Variants in LRRC7 observed in about 807,000 individuals in gnomAD.
LRRC7 encodes leucine-rich repeat-containing protein 7.
A neutral mutation model predicts 175.7 loss-of-function variants in LRRC7; 23 were observed. The ratio of observed to expected loss-of-function variants is 0.13; its 90% CI spans 0.09 to 0.19. The LOEUF (loss-of-function observed/expected upper bound fraction) is 0.19, where lower values mean the gene tolerates loss of function less well. LRRC7 is among the 10% of genes least tolerant of loss of function. The pLI is 1.00. For missense variants in LRRC7, 1,354 were observed against 1,904.7 expected, an observed-to-expected ratio of 0.71 and a Z score of 5.38; for synonymous variants, 685 against 680.9, an observed-to-expected ratio of 1.01 and a Z score of -0.09.
chr1:69,903,346 G>C (rs1198036905), intron 7 of LRRC7, among the ~76,000 whole-genome samples: 4 of 152,170 alleles, frequency 2.6e-5, no homozygotes, highest in African/African-American at 7.2e-5. Context: ...GCAGGGTGGG[G>C]CATCGCCTCA....
At chr1:70,111,877 A>T (rs1665550422) in intron 26 of LRRC7, among the ~76,000 whole-genome samples, 1 of 152,198 alleles carries the variant, frequency 6.6e-6, no homozygotes, top group South Asian at 2.1e-4. Context: ...TAATTTATAG[A>T]GATTTAGTTG....
chr1:70,069,250 G>A (rs559687491), intron 23 of LRRC7, among the ~76,000 whole-genome samples: 6 of 152,210 alleles, frequency 3.9e-5, no homozygotes, highest in Admixed American at 1.3e-4. Flanking sequence ...CAATCATGGC[G>A]GAAGGCAAAG....
At chr1:69,711,323 C>T (rs10489556) in intron 2 of LRRC7, among the ~76,000 whole-genome samples, 11,816 of 152,216 alleles carry the variant, frequency 0.078, 549 homozygotes, top group East Asian at 0.14. Context: ...AGTGCCTGTA[C>T]TTCAACAGCT....
intron 2 of LRRC7, among the ~76,000 whole-genome samples, chr1:69,748,110 C>A (rs1669450936): frequency 6.6e-6 from 1 of 152,058 alleles, no homozygotes; most frequent in South Asian, 2.1e-4. Context: ...CACAACAAAA[C>A]CCTGGTTATT....
At chr1:69,706,422 T>C (rs1033070104) in intron 2 of LRRC7, among the ~76,000 whole-genome samples, 3 of 152,138 alleles carry the variant, frequency 2.0e-5, no homozygotes, top group African/African-American at 7.2e-5. Context: ...GCTCTAGAAA[T>C]TATATTCTCA....
At chr1:70,001,898 A>G (rs1395636612) in intron 11 of LRRC7, among the ~76,000 whole-genome samples, 1 of 152,122 alleles carries the variant, frequency 6.6e-6, no homozygotes, top group African/African-American at 2.4e-5. Context: ...CCTCATTAGC[A>G]TTATTTGATA....
At chr1:69,876,746 A>G (rs1405882096) in intron 7 of LRRC7, among the ~76,000 whole-genome samples, 2 of 152,160 alleles carry the variant, frequency 1.3e-5, no homozygotes, top group Non-Finnish European at 2.9e-5. Context: ...AATCCAATTC[A>G]ATAAACATTT....
At chr1:69,630,626 T>C in intron 1 of LRRC7, among the ~76,000 whole-genome samples, 1 of 152,266 alleles carries the variant, frequency 6.6e-6, no homozygotes, top group Middle Eastern at 3.4e-3. Flanking sequence ...TTCAATTTTT[T>C]ATTGATTAAT....
At chr1:69,879,278 C>G (rs948441246) in intron 7 of LRRC7, among the ~76,000 whole-genome samples, 8 of 142,160 alleles carry the variant, frequency 5.6e-5, no homozygotes, top group Non-Finnish European at 1.2e-4. Context: ...TTAGTTGTTA[C>G]GAGGAAGGGA....
intron 7 of LRRC7, among the ~76,000 whole-genome samples, chr1:69,916,280 T>G (rs1051438736): frequency 4.5e-4 from 61 of 134,120 alleles, no homozygotes; most frequent in African/African-American, 1.6e-3. Context: ...TAAATATATA[T>G]CATATATATT....
chr1:70,042,939 T>C (rs1168035613), intron 21 of LRRC7, among the ~76,000 whole-genome samples: 1 of 152,158 alleles, frequency 6.6e-6, no homozygotes, highest in Non-Finnish European at 1.5e-5. Context: ...AGCTACCTGC[T>C]GCTAATGTTC....
At chr1:69,794,467 C>G (rs1412388174) in intron 4 of LRRC7, among the ~76,000 whole-genome samples, 3 of 152,158 alleles carry the variant, frequency 2.0e-5, no homozygotes, top group Non-Finnish European at 2.9e-5. Flanking sequence ...GAAAGATGAC[C>G]TTAGGGCTAC....
Position 70,133,608 on chromosome 1 carries a change from A to G in LRRC7, c.*11721A>G, listed in dbSNP as rs1666762241. On this transcript the variant is annotated 3_prime_UTR_variant, in exon 27 of 27. Coordinates refer to ENST00000651989, the MANE Select transcript of LRRC7 (RefSeq NM_001370785.2). ...ATGCTCTAAATTTACACAATTTAAGAAAAAAACAAGAGCTTTGAGCTTATT... is the reference window on the plus strand; with the variant it reads ...ATGCTCTAAATTTACACAATTTAAGGAAAAAACAAGAGCTTTGAGCTTATT... Among the ~76,000 whole-genome samples, 1 of 152,202 alleles carries G rather than the reference A, an allele frequency of 6.6e-6. No individual in the cohort carries two copies. The highest frequency in any genetic ancestry group is 2.4e-5 in the African/African-American group (1 of 41,438).
At chr1:70,117,505 A>AGTC (rs1665938391) in intron 26 of LRRC7, among the ~76,000 whole-genome samples, 1 of 152,168 alleles carries the variant, frequency 6.6e-6, no homozygotes, top group African/African-American at 2.4e-5. Context: ...ATTAACCTTC[A>AGTC]GTCTTTTCAT....
intron 2 of LRRC7, among the ~76,000 whole-genome samples, chr1:69,749,187 A>G (rs1301636976): frequency 6.6e-6 from 1 of 152,248 alleles, no homozygotes; most frequent in African/African-American, 2.4e-5. Context: ...GAGAAAAACA[A>G]AAGTACTATA....
intron 23 of LRRC7, among the ~76,000 whole-genome samples, chr1:70,056,378 T>G (rs1239152129): frequency 6.6e-6 from 1 of 152,200 alleles, no homozygotes. Flanking sequence ...AAGGGAAACG[T>G]TGAACTTCAA....
chr1:69,975,508 A>G (rs1340810178), intron 8 of LRRC7, among the ~76,000 whole-genome samples: 2 of 151,622 alleles, frequency 1.3e-5, no homozygotes, highest in East Asian at 1.9e-4. Context: ...TGTTTCTTCT[A>G]TTTTCTCCTA....
chr1:69,921,819 G>C (rs1646895995), intron 7 of LRRC7, among the ~76,000 whole-genome samples: 3 of 152,132 alleles, frequency 2.0e-5, no homozygotes, highest in Admixed American at 2.0e-4. Flanking sequence ...AAATTCCTTA[G>C]CTTGACACAG....
chr1:70,034,460 A>T (rs17507386), intron 18 of LRRC7, among the ~76,000 whole-genome samples: 9,846 of 152,268 alleles, frequency 0.065, 417 homozygotes, highest in Non-Finnish European at 0.098. Context: ...TTTACTTAGG[A>T]TAGGCAATAT....
Sources: allele counts gnomAD v4.1 joint callset (sites outside exome capture counted in the v4.1 genomes callset), GRCh38; gene constraint gnomAD v4.1.1; transcripts MANE v1.5; gene names NCBI Gene and HGNC (gene_info 2026-07-23, HGNC 2026-07-21).